The following SLC9A6 variants were observed in gnomAD, a reference collection of about 807,000 sequenced individuals.
SLC9A6 encodes sodium/hydrogen exchanger 6.
A neutral mutation model predicts 45.3 loss-of-function variants in SLC9A6; 6 were observed. That is an observed-to-expected ratio of 0.13 (90% CI 0.07 to 0.26). SLC9A6 has a LOEUF of 0.26. SLC9A6 is among the 10% of genes least tolerant of loss of function. The probability of loss-of-function intolerance (pLI) is 1.00; values close to 1 mark genes in which losing one functional copy is unlikely to be tolerated. For synonymous variants in SLC9A6, 191 were observed against 187.7 expected, an observed-to-expected ratio of 1.02 and a Z score of -0.14; for missense variants, 278 against 503.7, an observed-to-expected ratio of 0.55 and a Z score of 4.29.
intron 7 of SLC9A6, among the ~76,000 whole-genome samples, chrX:136,004,638 GT>G (rs1203250261): frequency 9.0e-6 from 1 of 111,688 alleles, no homozygotes; most frequent in African/African-American, 3.3e-5. Flanking sequence ...TCCCTTAAAC[GT>G]TGTATGTGAA....
At chrX:136,001,354 A>C (rs1040513323) in intron 6 of SLC9A6, among the ~76,000 whole-genome samples, 7 of 108,590 alleles carry the variant, frequency 6.4e-5, no homozygotes, top group Admixed American at 3.0e-4. Flanking sequence ...AAAAAAAAAA[A>C]AAAACCAAAA....
chrX:135,988,830 T>A (rs2089386438), intron 2 of SLC9A6, among the ~76,000 whole-genome samples: 1 of 109,282 alleles, frequency 9.2e-6, no homozygotes, highest in South Asian at 3.9e-4. Context: ...CCCAGGCTGG[T>A]CTCAAGCTCT....
At chrX:135,985,079 T>C (rs1177869030), upstream of SLC9A6, 7 of 119,660 alleles carry the variant, frequency 5.8e-5, no homozygotes, top group African/African-American at 2.0e-4. Context: ...AGATTGAGGC[T>C]CCTCCCAAGG....
intron 2 of SLC9A6, among the ~76,000 whole-genome samples, chrX:135,987,212 A>G (rs2089353254): frequency 8.9e-6 from 1 of 112,087 alleles, no homozygotes; most frequent in South Asian, 3.7e-4. Context: ...TATATTTAAT[A>G]TGTTTTGCAT....
intron 17 of SLC9A6, among the ~76,000 whole-genome samples, chrX:136,040,647 C>G (rs1385633687): frequency 8.9e-6 from 1 of 112,062 alleles, no homozygotes; most frequent in African/African-American, 3.2e-5. Context: ...TGCCTCTGTT[C>G]CACATTTCTG....
Position 135,985,453 on chromosome X carries a change from C to T in SLC9A6, c.-81C>T. On this transcript the variant is annotated 5_prime_UTR_variant, in exon 1 of 18. Coordinates refer to ENST00000630721, the MANE Select transcript of SLC9A6 (RefSeq NM_001379110.1). ...TTCCCGTGAGCCCTCGGGGAGTGGT[C>T]CGACCGCGGGCGGCCGCCGGTGAGG... 2 of 970,210 alleles carry T rather than the reference C, an allele frequency of 2.1e-6. No homozygotes were observed. The highest frequency in any genetic ancestry group is 2.7e-6 in the Non-Finnish European group (2 of 753,770). The allele number at this position is 970,210 out of a possible 1,213,427, so 80.0% of individuals were successfully genotyped here.
chrX:136,030,262 T>G, intron 15 of SLC9A6, 100 bp downstream of exon 15: 1 of 832,933 alleles, frequency 1.2e-6, no homozygotes, highest in East Asian at 3.2e-5. Context: ...ATTTAGATCC[T>G]GTCCTCTTTG....
At position 136,024,403 on chromosome X, in the gene SLC9A6, C is replaced by T. The variant is rs782177396; in HGVS notation, c.1380C>T (p.Ser460=). ...CTTATGCACGGCAAATGATGTTCAG[C>T]ACCACGCTTCTGATTGTGTTTTTTA... The part of the protein sequence containing the change: ...TATYARQMMF[S]TTLLIVFFTV... Residue 460 remains serine, a synonymous_variant, in exon 13 of 18, where the codon AGC becomes AGT. Transcript: ENST00000630721. 21 of 1,208,001 alleles carry T rather than the reference C, an allele frequency of 1.7e-5. No individual in the cohort carries two copies. The highest frequency in any genetic ancestry group is 4.6e-4 in the Middle Eastern group (2 of 4,372).
intron 2 of SLC9A6, among the ~76,000 whole-genome samples, chrX:135,990,474 C>T (rs1556615550): frequency 8.9e-6 from 1 of 112,213 alleles, no homozygotes; most frequent in Non-Finnish European, 1.9e-5. Context: ...ACAGAACCCT[C>T]GTTAACTTGA....
intron 7 of SLC9A6, among the ~76,000 whole-genome samples, chrX:136,003,325 G>T (rs2089609889): frequency 8.9e-6 from 1 of 112,282 alleles, no homozygotes; most frequent in Non-Finnish European, 1.9e-5. Flanking sequence ...ACCTATCTTA[G>T]TATTTCTTTA....
chrX:135,986,513 G>A (rs1266079629), intron 2 of SLC9A6, among the ~76,000 whole-genome samples: 1 of 111,268 alleles, frequency 9.0e-6, no homozygotes, highest in Non-Finnish European at 1.9e-5. Flanking sequence ...CAAAAGTGAG[G>A]ACGAGGAAGA....
chrX:135,996,828 G>C (rs782371897), intron 3 of SLC9A6, among the ~76,000 whole-genome samples: 1 of 108,522 alleles, frequency 9.2e-6, no homozygotes, highest in Non-Finnish European at 1.9e-5. Context: ...GTGCAGTGGC[G>C]TGATCTCGGC....
At chrX:136,041,937 A>G (rs893730218) in intron 17 of SLC9A6, among the ~76,000 whole-genome samples, 1 of 110,643 alleles carries the variant, frequency 9.0e-6, no homozygotes, top group Non-Finnish European at 1.9e-5. Context: ...ATGCATCACT[A>G]TGTATCTCTA....
At chrX:135,976,322 A>G (rs2089262445) in intron 1 of SLC9A6, among the ~76,000 whole-genome samples, 1 of 112,213 alleles carries the variant, frequency 8.9e-6, no homozygotes. Flanking sequence ...AAAAAATCTT[A>G]CAACTTTGTT....
At position 135,994,934 on chromosome X, in the gene SLC9A6, G is replaced by A. The variant is rs782357696; in HGVS notation, c.318G>A (p.Glu106=). ...GKFYEYMLKG[E]ISSHELNNVQ... ...TTTATGAGTATATGCTGAAAGGAGA[G>A]ATTAGTTCACATGAACTCAATAATG... The change falls in exon 3 of 18, where the codon GAG becomes GAA. Residue 106 remains glutamate, a synonymous_variant. Transcript: ENST00000630721. 1 of 1,203,887 alleles carries A rather than the reference G, an allele frequency of 8.3e-7. No homozygotes were observed.
At position 136,000,991 on chromosome X, in the gene SLC9A6, A is replaced by G. The variant is rs936209136; in HGVS notation, c.638-1117A>G. Among the ~76,000 whole-genome samples the G allele has an allele frequency of 4.5e-5, 5 of 110,533 alleles. No homozygotes were observed. The Admixed American group carries it at 4.8e-4, about 11-fold the overall frequency. On this transcript the variant is annotated intron_variant, in intron 6 of 17. Transcript: ENST00000630721. ...CAAAGCAAGACCCTGTCTCTTAAAAAAAATTAAATAAATAAAATGCAAGTT... is the reference window on the plus strand; with the variant it reads ...CAAAGCAAGACCCTGTCTCTTAAAAGAAATTAAATAAATAAAATGCAAGTT...
intron 1 of SLC9A6, among the ~76,000 whole-genome samples, chrX:135,976,462 C>T (rs1355776754): frequency 9.1e-6 from 1 of 109,879 alleles, no homozygotes; most frequent in Non-Finnish European, 1.9e-5. Context: ...ATTTGCCGGG[C>T]GTGGTGGTGG....
rs542382133 is a variant in SLC9A6, at chrX:136,005,542, G to A, written c.743+3329G>A. Reference sequence around the variant, plus strand: ...CTAAAAATACAAAAATTAGTCAGGCGTGGTGGCACACGCCTGTAATCCCAG... The same window carrying A: ...CTAAAAATACAAAAATTAGTCAGGCATGGTGGCACACGCCTGTAATCCCAG... On this transcript the variant is annotated intron_variant, in intron 7 of 17. Coordinates refer to ENST00000630721, the MANE Select transcript of SLC9A6 (RefSeq NM_001379110.1). Among the ~76,000 whole-genome samples the A allele has an allele frequency of 5.4e-5, 6 of 111,979 alleles. No homozygotes were observed. The South Asian group carries it at 1.9e-3, about 35-fold the overall frequency.
At chrX:136,011,245 T>A (rs2070914459) in intron 8 of SLC9A6, among the ~76,000 whole-genome samples, 1 of 112,450 alleles carries the variant, frequency 8.9e-6, no homozygotes, top group Admixed American at 9.4e-5. Flanking sequence ...TTTATTTATT[T>A]ATTTGTTTTT....
Sources: allele counts gnomAD v4.1 joint callset (sites outside exome capture counted in the v4.1 genomes callset), GRCh38; gene constraint gnomAD v4.1.1; transcripts MANE v1.5; gene names NCBI Gene and HGNC (gene_info 2026-07-23, HGNC 2026-07-21).